Variants in SETD4 observed in about 807,000 individuals in gnomAD.
The protein encoded by SETD4 is SET domain-containing protein 4.
Under a neutral mutation model 58.3 loss-of-function variants are expected in SETD4, and 46 were observed. The observed-to-expected ratio is 0.79, with a 90% CI of 0.62 to 1.01. The LOEUF (loss-of-function observed/expected upper bound fraction) is 1.01, where lower values mean the gene tolerates loss of function less well. Among genes scored for constraint, SETD4 ranks in the 50% least tolerant of loss-of-function variants. SETD4 has a pLI of 0.00. For missense variants in SETD4, 490 were observed against 523.3 expected, an observed-to-expected ratio of 0.94 and a Z score of 0.62; for synonymous variants, 190 against 202.6, an observed-to-expected ratio of 0.94 and a Z score of 0.53.
intron 3 of SETD4, among the ~76,000 whole-genome samples, chr21:36,056,024 A>G (rs1353133953): frequency 6.6e-6 from 1 of 152,204 alleles, no homozygotes; most frequent in Non-Finnish European, 1.5e-5. Flanking sequence ...TTGACACACA[A>G]AAACAGAAAG....
In SETD4 at chr21:36,035,959, T is replaced by C. The variant is rs1172134138; in HGVS notation, c.*34A>G. The C allele has an allele frequency of 7.8e-6, 8 of 1,028,108 alleles. No homozygotes were observed. In the African/African-American group the frequency reaches 1.3e-4, roughly 17 times the overall value. The allele number at this position is 1,028,108 out of a possible 1,614,324, so 63.7% of individuals were successfully genotyped here. Reference sequence around the variant, plus strand: ...GATGCTCTTCAAAATTAACTTTTGTTTCTGTAGGAAAAGCAAAAGGAAAAG... The same window carrying C: ...GATGCTCTTCAAAATTAACTTTTGTCTCTGTAGGAAAAGCAAAAGGAAAAG... On this transcript the variant is annotated splice_region_variant and 3_prime_UTR_variant, in exon 12 of 12. Coordinates refer to ENST00000332131, the MANE Select transcript of SETD4 (RefSeq NM_017438.5).
At position 36,040,662 on chromosome 21, in the gene SETD4, T is replaced by C. The variant is rs758472788; in HGVS notation, c.984-7A>G. ...CCATCCAAATGTCAAATTTCTGAAG[T>C]AGAAAAACAAATAATGACAAATCCA... On this transcript the variant is annotated splice_region_variant and splice_polypyrimidine_tract_variant and intron_variant, in intron 8 of 11. Coordinates refer to ENST00000332131, the MANE Select transcript of SETD4 (RefSeq NM_017438.5). 3 of 1,611,478 alleles carry C rather than the reference T, an allele frequency of 1.9e-6. No individual in the cohort carries two copies. The highest frequency in any genetic ancestry group is 2.5e-6 in the Non-Finnish European group (3 of 1,177,768).
At chr21:36,052,067 G>A (rs2835258) in intron 4 of SETD4, among the ~76,000 whole-genome samples, 63,883 of 151,658 alleles carry the variant, frequency 0.42, 13,513 homozygotes, top group Admixed American at 0.46. Flanking sequence ...TTAACACGGC[G>A]TAATAGAATT....
chr21:36,045,727 T>C lies in SETD4; in HGVS notation c.581A>G (p.Tyr194Cys), dbSNP rs758786045. Residue 194 changes from tyrosine (Y) to cysteine (C), a missense_variant, in exon 6 of 12, where the codon TAC becomes TGC. Tyr to Cys is a radical substitution (Grantham distance 194, BLOSUM62 -2). Coordinates refer to ENST00000332131, the MANE Select transcript of SETD4 (RefSeq NM_017438.5). ...GCACCAAGCCCACAGCAGGGCACTG[T>C]AGCTGAAGATGCTGTCAACAGCCTC... is the stretch of plus-strand genomic sequence containing the variant. ...FAEAVDSIFS[Y>C]SALLWAWCTV... 27 of 1,614,200 alleles carry C rather than the reference T, an allele frequency of 1.7e-5. No homozygotes were observed. The highest frequency in any genetic ancestry group is 2.2e-5 in the Non-Finnish European group (26 of 1,180,036).
intron 4 of SETD4, chr21:36,051,295 G>C: frequency 1.3e-6 from 2 of 1,591,248 alleles, no homozygotes; most frequent in South Asian, 1.1e-5. Context: ...AGCATGGAGC[G>C]AGAGCTGCTC....
In SETD4 at chr21:36,045,917, C is replaced by A. The variant is rs745606997; in HGVS notation, c.391G>T (p.Glu131Ter). ...GHRSLWKPYL[E>*]ILPKAYTCPV... ...CAGGTATACGCCTTGGGTAAAATCTCCAGGTAAGGCTTCCAAAGAGATCGG... is the reference window on the plus strand; with the variant it reads ...CAGGTATACGCCTTGGGTAAAATCTACAGGTAAGGCTTCCAAAGAGATCGG... The change falls in exon 6 of 12, where the codon GAG becomes TAG. Residue 131 changes from glutamate (E) to a stop codon, truncating the protein, a stop_gained. Coordinates refer to ENST00000332131, the MANE Select transcript of SETD4 (RefSeq NM_017438.5). LOFTEE classifies it high-confidence loss of function. The A allele has an allele frequency of 6.2e-7, 1 of 1,614,194 alleles. No individual in the cohort carries two copies. The highest frequency in any genetic ancestry group is 2.2e-5 in the East Asian group (1 of 44,878).
Position 36,053,638 on chromosome 21 carries a change from G to T in SETD4, c.170-18C>A. 6.2e-7 allele frequency: 1 copy of T among 1,613,344 alleles called. No homozygotes were observed. ...TCCTGTACCTAGGAAAGCAAAGACA[G>T]AAAGAGAGTAAATCCTACCATAACT... On this transcript the variant is annotated intron_variant, in intron 3 of 11. Transcript: ENST00000332131.
chr21:36,057,101 G>C lies in SETD4; in HGVS notation c.169+8C>G. On this transcript the variant is annotated splice_region_variant and intron_variant, in intron 3 of 11. Transcript: ENST00000332131. ...GAAAGGGCAGGACAGCTGAAGGCTA[G>C]ATCTTACCTGGAAAACAAGCAGGCG... 1 of 1,612,960 alleles carries C rather than the reference G, an allele frequency of 6.2e-7. No homozygotes were observed. The highest frequency in any genetic ancestry group is 1.1e-5 in the South Asian group (1 of 91,050).
chr21:36,060,214 C>A, intron 1 of SETD4, 133 bp downstream of exon 1: 1 of 772,308 alleles, frequency 1.3e-6, no homozygotes, highest in Non-Finnish European at 1.6e-6. Flanking sequence ...TAATGCCTGC[C>A]CTGGAGGGGA....
At position 36,060,515 on chromosome 21, in the gene SETD4, C is replaced by T. The variant is rs1252030956; in HGVS notation, c.-205G>A. ...CCTGGTGTCCTTAAGCAATCCAAGTCCTCAGTCTCCCGGGTCCGCCCCTTC... is the reference window on the plus strand; with the variant it reads ...CCTGGTGTCCTTAAGCAATCCAAGTTCTCAGTCTCCCGGGTCCGCCCCTTC... On this transcript the variant is annotated 5_prime_UTR_variant, in exon 1 of 12. Transcript: ENST00000332131. 1 of 152,566 alleles carries T rather than the reference C, an allele frequency of 6.6e-6. No individual in the cohort carries two copies. Among genetic ancestry groups the T allele is most frequent in the Non-Finnish European group, 1.5e-5 (1 of 68,300 alleles). The allele number at this position is 152,566 out of a possible 1,614,324, so 9.5% of individuals were successfully genotyped here.
intron 6 of SETD4, among the ~76,000 whole-genome samples, chr21:36,044,654 A>C (rs1348590655): frequency 6.6e-6 from 1 of 152,218 alleles, no homozygotes; most frequent in African/African-American, 2.4e-5. Context: ...TACAAAAGTA[A>C]CAAGCAGACA....
chr21:36,048,824 T>G lies in SETD4; in HGVS notation c.208-428A>C, dbSNP rs146384390. ...CCTCCACCTCCCAGGTTCAAGCGATTCTCCTGCCTCAGCCTCCCAAGCAGC... is the reference window on the plus strand; with the variant it reads ...CCTCCACCTCCCAGGTTCAAGCGATGCTCCTGCCTCAGCCTCCCAAGCAGC... On this transcript the variant is annotated intron_variant, in intron 4 of 11. Coordinates refer to ENST00000332131, the MANE Select transcript of SETD4 (RefSeq NM_017438.5). 3.1e-3 allele frequency among the ~76,000 whole-genome samples: 477 copies of G among 151,712 alleles called. 3 individuals are homozygous for G. The highest frequency in any genetic ancestry group is 0.011 in the African/African-American group (458 of 41,326).
At chr21:36,057,060 C>T (rs763305186) in intron 3 of SETD4, 49 bp downstream of exon 3, 5 of 1,474,882 alleles carry the variant, frequency 3.4e-6, no homozygotes, top group Non-Finnish European at 4.7e-6. Context: ...CTGCTGTCTA[C>T]CTGGCTCTCG....
Position 36,046,001 on chromosome 21 carries a change from G to T in SETD4, c.307C>A (p.Pro103Thr). ...CACAGCGCCAGCAGAGGAGATGGAG[G>T]AGGCTTCCACCTTTGAAAATTAAAA... ...LGAYITKWKP[P>T]PSPLLALCTF... Residue 103 changes from proline to threonine, a missense_variant, in exon 6 of 12, where the codon CCT becomes ACT. Pro to Thr is a conservative substitution (Grantham distance 38, BLOSUM62 -1). Coordinates refer to ENST00000332131, the MANE Select transcript of SETD4 (RefSeq NM_017438.5). 2 of 1,611,882 alleles carry T rather than the reference G, an allele frequency of 1.2e-6. No individual in the cohort carries two copies. Among genetic ancestry groups the T allele is most frequent in the South Asian group, 2.2e-5 (2 of 90,744 alleles).
At chr21:36,046,157 CTTCCT>C (rs1271040149) in intron 5 of SETD4, 146 bp from the exon 6 acceptor site, 1 of 836,354 alleles carries the variant, frequency 1.2e-6, no homozygotes, top group Non-Finnish European at 1.8e-6. Flanking sequence ...TCCTTCCTTC[CTTCCT>C]TAAGGCTCTT....
chr21:36,034,673 G>A lies in SETD4; in HGVS notation c.*1320C>T, dbSNP rs1439566111. On this transcript the variant is annotated 3_prime_UTR_variant, in exon 12 of 12. Transcript: ENST00000332131. ...CATAGCACAGGGGTCAGGAAACTATGGCCCACCACCTGTCGTTGTCAGTAG... is the reference window on the plus strand; with the variant it reads ...CATAGCACAGGGGTCAGGAAACTATAGCCCACCACCTGTCGTTGTCAGTAG... The A allele has an allele frequency of 6.6e-6, 1 of 152,164 alleles. No individual in the cohort carries two copies. The highest frequency in any genetic ancestry group is 2.4e-5 in the African/African-American group (1 of 41,436). 9.4% of individuals were successfully genotyped at this position (152,164 alleles called of 1,614,324 possible).
At chr21:36,048,956 C>T (rs773158043) in intron 4 of SETD4, among the ~76,000 whole-genome samples, 23 of 151,944 alleles carry the variant, frequency 1.5e-4, no homozygotes, top group Non-Finnish European at 2.6e-4. Context: ...AATAGTGCTA[C>T]CAATAGTAAA....
In SETD4 at chr21:36,046,006, T is replaced by G; in HGVS notation, c.302A>C (p.Lys101Thr). ...SYLGAYITKW[K>T]PPPSPLLALC... ...CGCCAGCAGAGGAGATGGAGGAGGC[T>G]TCCACCTTTGAAAATTAAAAGCCAG... The change falls in exon 6 of 12, where the codon AAG (lysine) becomes ACG (threonine). Residue 101 changes from lysine (K) to threonine (T), a missense_variant. Physicochemically the swap from Lys to Thr is moderately conservative, Grantham distance 78. Transcript: ENST00000332131. 1 of 1,605,786 alleles carries G rather than the reference T, an allele frequency of 6.2e-7. No homozygotes were observed. Among genetic ancestry groups the G allele is most frequent in the Non-Finnish European group, 8.5e-7 (1 of 1,177,004 alleles).
chr21:36,041,489 G>C (rs562349527), intron 8 of SETD4, among the ~76,000 whole-genome samples: 4 of 152,324 alleles, frequency 2.6e-5, no homozygotes, highest in African/African-American at 9.6e-5. Context: ...GCCCAGCCTG[G>C]CCTTTCCACA....
Sources: allele counts gnomAD v4.1 joint callset (sites outside exome capture counted in the v4.1 genomes callset), GRCh38; gene constraint gnomAD v4.1.1; transcripts MANE v1.5; gene names NCBI Gene and HGNC (gene_info 2026-07-23, HGNC 2026-07-21).